The following ZNF831 variants were observed in gnomAD, a reference collection of about 807,000 sequenced individuals.
ZNF831 encodes the protein zinc finger protein 831, also known as chromosome 20 open reading frame 174.
A neutral mutation model predicts 95.8 loss-of-function variants in ZNF831; 59 were observed. The observed-to-expected ratio is 0.62, with a 90% confidence interval of 0.50 to 0.77. The LOEUF (loss-of-function observed/expected upper bound fraction) is 0.77. ZNF831 is among the 30% of genes least tolerant of loss of function. ZNF831 has a pLI of 0.00. For missense variants in ZNF831, 2,205 were observed against 2,164.0 expected (o/e 1.02, Z -0.38); for synonymous variants, 961 against 925.5 (o/e 1.04, Z -0.70).
In ZNF831 at chr20:59,258,714, A is replaced by G. The variant is rs1988289462; in HGVS notation, c.*3971A>G. The stretch of plus-strand genomic sequence containing the variant: ...GAAACACTACATTTCTCAATATTTA[A>G]GCACAATTTATTGTCCTTATTTTTC... On this transcript the variant is annotated 3_prime_UTR_variant, in exon 6 of 6. Coordinates refer to ENST00000371030, the MANE Select transcript of ZNF831 (RefSeq NM_178457.3). The G allele has an allele frequency of 6.6e-6, 1 of 152,200 alleles. No homozygotes were observed. The highest frequency in any genetic ancestry group is 1.5e-5 in the Non-Finnish European group (1 of 68,044). The allele number at this position is 152,200 out of a possible 1,614,324, so 9.4% of individuals were successfully genotyped here.
At chr20:59,153,387 C>T (rs1194267016) in intron 2 of ZNF831, among the ~76,000 whole-genome samples, 4 of 152,250 alleles carry the variant, frequency 2.6e-5, no homozygotes, top group African/African-American at 4.8e-5. Flanking sequence ...GTTTGTCCCT[C>T]CTCCCTGGGC....
intron 1 of ZNF831, among the ~76,000 whole-genome samples, chr20:59,188,979 G>A (rs956407799): frequency 6.6e-6 from 1 of 152,040 alleles, no homozygotes; most frequent in African/African-American, 2.4e-5. Context: ...TCAGGAGTTC[G>A]AGACCAGCCT....
chr20:59,253,140 T>C lies in ZNF831; in HGVS notation c.4188+2T>C. ...GAAATGGACAAACGAACTGTGAAGG[T>C]GGGCATGATGATTTTGAGCTGCCTC... is the stretch of plus-strand genomic sequence containing the variant. On this transcript the variant is annotated splice_donor_variant, in intron 5 of 5. Transcript: ENST00000371030. LOFTEE classifies it high-confidence loss of function. The C allele has an allele frequency of 1.2e-6, 2 of 1,613,884 alleles. No individual in the cohort carries two copies. Among genetic ancestry groups the C allele is most frequent in the Non-Finnish European group, 1.7e-6 (2 of 1,179,880 alleles).
intron 2 of ZNF831, among the ~76,000 whole-genome samples, chr20:59,148,445 G>T (rs981343162): frequency 8.5e-6 from 1 of 117,030 alleles, no homozygotes; most frequent in Admixed American, 7.6e-5. Flanking sequence ...ACTTTGGGAG[G>T]CCGAGACGGG....
intron 3 of ZNF831, among the ~76,000 whole-genome samples, chr20:59,196,678 C>T (rs1159077573): frequency 1.3e-5 from 2 of 152,204 alleles, no homozygotes; most frequent in African/African-American, 2.4e-5. Flanking sequence ...CCTCCACCCT[C>T]ATCCCATTCT....
intron 3 of ZNF831, among the ~76,000 whole-genome samples, chr20:59,201,522 C>T (rs1984532860): frequency 6.6e-6 from 1 of 152,072 alleles, no homozygotes; most frequent in Non-Finnish European, 1.5e-5. Flanking sequence ...TTTTTAGTGT[C>T]ATAGTTTAAA....
intron 1 of ZNF831, among the ~76,000 whole-genome samples, chr20:59,136,747 C>T (rs1979523787): frequency 6.6e-6 from 1 of 152,240 alleles, no homozygotes; most frequent in South Asian, 2.1e-4. Context: ...ATAGCAGAGG[C>T]TACAAGTTGT....
upstream of ZNF831, among the ~76,000 whole-genome samples, chr20:59,163,065 T>A (rs1162548336): frequency 6.6e-6 from 1 of 150,960 alleles, no homozygotes; most frequent in East Asian, 1.9e-4. Flanking sequence ...CTATTGTAAA[T>A]GGGATTGTGT....
rs1983665801 is a variant in ZNF831 at position 59,192,485 on chromosome 20, C to T, written c.1466C>T (p.Pro489Leu). Residue 489 changes from proline (P) to leucine (L), a missense_variant, in exon 2 of 6, where the codon CCC (proline) becomes CTC (leucine). Transcript: ENST00000371030. The surrounding 1 kb of genome is among the most constrained non-coding windows in gnomAD (Gnocchi z 5.2). ...CGGCCCCTCTTCTTCCACTCCGTCC[C>T]CACTCAGCTCTCCACCACCGTGGAA... ...KSRPLFFHSV[P>L]TQLSTTVECV... 1 of 1,575,202 alleles carries T rather than the reference C, an allele frequency of 6.3e-7. No individual in the cohort carries two copies. The highest frequency in any genetic ancestry group is 8.6e-7 in the Non-Finnish European group (1 of 1,162,004).
intron 4 of ZNF831, among the ~76,000 whole-genome samples, chr20:59,237,116 C>A (rs1046376244): frequency 2.0e-5 from 3 of 152,280 alleles, no homozygotes; most frequent in South Asian, 4.1e-4. Flanking sequence ...CCAGAAAGAA[C>A]CTTCATAATA....
At chr20:59,125,550 A>G (rs975262007) in intron 1 of ZNF831, among the ~76,000 whole-genome samples, 1 of 152,106 alleles carries the variant, frequency 6.6e-6, no homozygotes, top group Non-Finnish European at 1.5e-5. Context: ...CTTTTTGTCC[A>G]ACGTGTTCTG....
intron 2 of ZNF831, 40 bp from the exon 3 acceptor site, chr20:59,195,829 A>G (rs758946227): frequency 6.3e-7 from 1 of 1,592,958 alleles, no homozygotes; most frequent in Non-Finnish European, 8.5e-7. Flanking sequence ...CATCATGAGG[A>G]CTTTGAGTAA....
chr20:59,243,663 T>C (rs1206066311), intron 4 of ZNF831, among the ~76,000 whole-genome samples: 1 of 152,236 alleles, frequency 6.6e-6, no homozygotes, highest in African/African-American at 2.4e-5. Flanking sequence ...CCATTATTTT[T>C]CCTGTAAGAA....
intron 1 of ZNF831, among the ~76,000 whole-genome samples, chr20:59,136,048 C>A (rs978461821): frequency 6.6e-6 from 1 of 152,198 alleles, no homozygotes; most frequent in African/African-American, 2.4e-5. Context: ...TTCAGCTTGT[C>A]ATCAGAATTG....
At chr20:59,132,136 GT>G (rs959031642) in intron 1 of ZNF831, among the ~76,000 whole-genome samples, 23 of 151,872 alleles carry the variant, frequency 1.5e-4, no homozygotes, top group Admixed American at 3.3e-4. Flanking sequence ...GTAACTTGCT[GT>G]TTTTTTTCTG....
In ZNF831 at chr20:59,254,893, C is replaced by A; in HGVS notation, c.*150C>A. The A allele has an allele frequency of 1.8e-6, 2 of 1,084,222 alleles. No homozygotes were observed. Among genetic ancestry groups the A allele is most frequent in the Non-Finnish European group, 2.6e-6 (2 of 770,030 alleles). 67.2% of individuals were successfully genotyped at this position (1,084,222 alleles called of 1,614,324 possible). A position where few individuals can be genotyped will look rare whatever the true frequency, so the allele number is the denominator to read the frequency against. On this transcript the variant is annotated 3_prime_UTR_variant, in exon 6 of 6. Transcript: ENST00000371030. This position sits in a 1 kb window ranked among gnomAD's most constrained non-coding sequence, Gnocchi z 4.5. Reference sequence around the variant, plus strand: ...GAGTTATTTACAAGCCAACTCCAACCAACTTCTGACCCCCAACTCAGCCGC... The same window carrying A: ...GAGTTATTTACAAGCCAACTCCAACAAACTTCTGACCCCCAACTCAGCCGC...
At chr20:59,232,233 C>A (rs1986763723) in intron 4 of ZNF831, among the ~76,000 whole-genome samples, 1 of 151,096 alleles carries the variant, frequency 6.6e-6, no homozygotes, top group African/African-American at 2.5e-5. Context: ...CTTCAAAATT[C>A]ATATTTAGCT....
intron 1 of ZNF831, among the ~76,000 whole-genome samples, chr20:59,178,585 AAG>A (rs1223893117): frequency 6.6e-6 from 1 of 152,230 alleles, no homozygotes; most frequent in Non-Finnish European, 1.5e-5. Context: ...ATGGTTCAGA[AAG>A]AGTCTCATGC....
rs145449152 is a variant in ZNF831, at chr20:59,138,448, G to A, written c.-1424-7783G>A. ...CCATCCTTCAGTCTCGCTGGCCCCC[G>A]TCCCCTGATCACTGTGCTTGTTTGC... On this transcript the variant is annotated intron_variant, in intron 1 of 7. Coordinates refer to the ZNF831 transcript ENST00000637017. Among the ~76,000 whole-genome samples, 492 of 152,084 alleles carry A rather than the reference G, an allele frequency of 3.2e-3. 3 individuals are homozygous for A. The highest frequency in any genetic ancestry group is 0.011 in the African/African-American group (460 of 41,528).
Sources: gnomAD v4.1 joint callset for allele counts (sites outside exome capture counted in the v4.1 genomes callset) on GRCh38, gnomAD v4.1.1 for gene constraint, Gnocchi (gnomAD v3.1) non-coding constraint, MANE v1.5 for transcripts, NCBI Gene and HGNC (gene_info 2026-07-23, HGNC 2026-07-21) for gene names.